Variants in CHN2 observed in about 807,000 individuals in gnomAD.
The protein encoded by CHN2 is chimerin 2, also known as beta-chimaerin.
A neutral mutation model predicts 56.3 loss-of-function variants in CHN2; 35 were observed. The ratio of observed to expected loss-of-function variants is 0.62; its 90% CI spans 0.47 to 0.82. The LOEUF (loss-of-function observed/expected upper bound fraction) is 0.82, where lower values mean the gene tolerates loss of function less well. Among genes scored for constraint, CHN2 ranks in the 40% least tolerant of loss-of-function variants. CHN2 has a pLI of 0.00. For missense variants in CHN2, 491 were observed against 580.5 expected, an observed-to-expected ratio of 0.85 and a Z score of 1.58; for synonymous variants, 210 against 212.8, an observed-to-expected ratio of 0.99 and a Z score of 0.12.
intron 6 of CHN2, among the ~76,000 whole-genome samples, chr7:29,467,807 G>A (rs1381798644): frequency 6.6e-6 from 1 of 152,178 alleles, no homozygotes; most frequent in African/African-American, 2.4e-5. Context: ...AATACCAGTG[G>A]CATAGGATGG....
chr7:29,310,640 G>A (rs1286820858), intron 1 of CHN2, among the ~76,000 whole-genome samples: 2 of 152,224 alleles, frequency 1.3e-5, no homozygotes, highest in African/African-American at 4.8e-5. Flanking sequence ...ACATCACAGA[G>A]TGGGTGGCTT....
intron 7 of CHN2, among the ~76,000 whole-genome samples, chr7:29,482,217 A>C (rs1787325874): frequency 6.6e-6 from 1 of 152,250 alleles, no homozygotes; most frequent in African/African-American, 2.4e-5. Flanking sequence ...GTTCAAGAGG[A>C]GTACACAAGC....
intron 1 of CHN2, among the ~76,000 whole-genome samples, chr7:29,196,609 G>A (rs527757332): frequency 2.6e-5 from 4 of 152,314 alleles, no homozygotes; most frequent in South Asian, 2.1e-4. Context: ...AAATGAACTG[G>A]TGGGGCAAAA....
intron 2 of CHN2, among the ~76,000 whole-genome samples, chr7:29,364,655 A>G (rs1423120331): frequency 3.9e-5 from 6 of 152,376 alleles, no homozygotes; most frequent in Non-Finnish European, 8.8e-5. Flanking sequence ...ATACTGGGGT[A>G]GCCAGAGGAA....
intron 1 of CHN2, among the ~76,000 whole-genome samples, chr7:29,258,137 A>T (rs925252505): frequency 2.0e-5 from 3 of 152,012 alleles, no homozygotes; most frequent in African/African-American, 7.3e-5. Flanking sequence ...TTGCCTACAG[A>T]TTTTTGGTGG....
intron 6 of CHN2, among the ~76,000 whole-genome samples, chr7:29,453,874 T>G (rs545254987): frequency 2.0e-5 from 3 of 152,282 alleles, no homozygotes; most frequent in Non-Finnish European, 4.4e-5. Flanking sequence ...TGTACCTGCT[T>G]TTCTGTGATT....
chr7:29,234,514 G>T (rs1787029070), intron 1 of CHN2, among the ~76,000 whole-genome samples: 1 of 152,110 alleles, frequency 6.6e-6, no homozygotes, highest in Non-Finnish European at 1.5e-5. Context: ...ATTTTTAAAG[G>T]CTCAGTCAGT....
At chr7:29,352,706 G>C (rs1225110112) in intron 1 of CHN2, among the ~76,000 whole-genome samples, 1 of 152,150 alleles carries the variant, frequency 6.6e-6, no homozygotes, top group Non-Finnish European at 1.5e-5. Flanking sequence ...CTGGGTGATA[G>C]AGTGGGACTC....
intron 1 of CHN2, among the ~76,000 whole-genome samples, chr7:29,341,410 G>T (rs1370003129): frequency 1.3e-5 from 2 of 152,338 alleles, no homozygotes; most frequent in Admixed American, 1.3e-4. Context: ...GGTGCCAGTT[G>T]CGAGAAATGA....
At chr7:29,168,683 G>C (rs1796223456) in intron 2 of CHN2, among the ~76,000 whole-genome samples, 1 of 152,200 alleles carries the variant, frequency 6.6e-6, no homozygotes, top group African/African-American at 2.4e-5. Flanking sequence ...AACCTCAGCT[G>C]TAGGCTTCCA....
intron 1 of CHN2, among the ~76,000 whole-genome samples, chr7:29,246,559 G>T (rs956910026): frequency 6.6e-6 from 1 of 152,144 alleles, no homozygotes; most frequent in Non-Finnish European, 1.5e-5. Flanking sequence ...CTGCTTGCAG[G>T]TGCTATGGAG....
At chr7:29,504,105 CAT>C (rs927726429) in intron 9 of CHN2, among the ~76,000 whole-genome samples, 3 of 152,062 alleles carry the variant, frequency 2.0e-5, no homozygotes, top group Non-Finnish European at 4.4e-5. Flanking sequence ...AAACAGTTAA[CAT>C]AGTCTTATTT....
At chr7:29,386,220 C>A (rs11973108) in intron 3 of CHN2, among the ~76,000 whole-genome samples, 83,199 of 152,018 alleles carry the variant, frequency 0.55, 26,627 homozygotes, top group East Asian at 0.75. Context: ...TCAGTACTTG[C>A]ATTTTCTTTC....
intron 1 of CHN2, among the ~76,000 whole-genome samples, chr7:29,269,279 A>G (rs1049951954): frequency 1.3e-5 from 2 of 152,200 alleles, no homozygotes; most frequent in African/African-American, 4.8e-5. Context: ...TTTAGCTCTC[A>G]CATATGAGTG....
chr7:29,258,382 C>T (rs1431945013), intron 1 of CHN2, among the ~76,000 whole-genome samples: 2 of 152,182 alleles, frequency 1.3e-5, no homozygotes, highest in Non-Finnish European at 1.5e-5. Context: ...AGAGTCTACA[C>T]AATATTTTGT....
intron 2 of CHN2, among the ~76,000 whole-genome samples, chr7:29,180,350 AC>A (rs1191864897): frequency 2.0e-5 from 3 of 152,156 alleles, no homozygotes; most frequent in Non-Finnish European, 4.4e-5. Flanking sequence ...ACACGGTGAA[AC>A]CCTATCTCTA....
chr7:29,284,058 C>T (rs930433758), intron 1 of CHN2, among the ~76,000 whole-genome samples: 2 of 149,440 alleles, frequency 1.3e-5, no homozygotes, highest in Non-Finnish European at 3.0e-5. Context: ...GGACTACAGA[C>T]ATGCGTCACC....
At chr7:29,504,943 A>G in intron 10 of CHN2, 122 bp downstream of exon 10, 2 of 654,268 alleles carry the variant, frequency 3.1e-6, no homozygotes. Context: ...CAAGAAACGG[A>G]GGAATAATGG....
upstream of CHN2, among the ~76,000 whole-genome samples, chr7:29,189,944 C>T (rs889632156): frequency 6.6e-6 from 1 of 152,194 alleles, no homozygotes; most frequent in African/African-American, 2.4e-5. Flanking sequence ...GTAGCAGAGG[C>T]GGCCTCCCTT....
Sources: allele counts gnomAD v4.1 joint callset (sites outside exome capture counted in the v4.1 genomes callset), GRCh38; gene constraint gnomAD v4.1.1; transcripts MANE v1.5; gene names NCBI Gene and HGNC (gene_info 2026-07-23, HGNC 2026-07-21).